BCL2: variants seen among roughly 807,000 people sequenced by gnomAD.
BCL2 encodes the protein apoptosis regulator Bcl-2.
A neutral mutation model predicts 14.2 loss-of-function variants in BCL2; 1 was observed. The ratio of observed to expected loss-of-function variants is 0.07; its 90% CI spans 0.02 to 0.33. BCL2 has a LOEUF of 0.33. Ranked by LOEUF, BCL2 falls within the 10% of genes least tolerant of loss-of-function variation. The pLI is 0.99. For missense variants in BCL2, 247 were observed against 305.9 expected (o/e 0.81, Z 1.44); for synonymous variants, 151 against 137.2 (o/e 1.10, Z -0.70).
At chr18:63,295,637 A>G (rs1271300232) in intron 2 of BCL2, among the ~76,000 whole-genome samples, 1 of 152,108 alleles carries the variant, frequency 6.6e-6, no homozygotes, top group African/African-American at 2.4e-5. Context: ...GAAGAATACA[A>G]CCCAAGGCCC....
At chr18:63,141,965 G>A (rs1004851430) in intron 2 of BCL2, among the ~76,000 whole-genome samples, 3 of 152,216 alleles carry the variant, frequency 2.0e-5, no homozygotes, top group South Asian at 2.1e-4. Flanking sequence ...ATGAAAATAC[G>A]CCAAAAATGG....
intron 2 of BCL2, among the ~76,000 whole-genome samples, chr18:63,199,625 A>T (rs939416626): frequency 6.6e-6 from 1 of 152,034 alleles, no homozygotes; most frequent in Non-Finnish European, 1.5e-5. Context: ...GCACAGACAC[A>T]TACACAGAGA....
intron 2 of BCL2, among the ~76,000 whole-genome samples, chr18:63,306,299 A>G (rs150072397): frequency 1.3e-5 from 2 of 152,296 alleles, no homozygotes; most frequent in Non-Finnish European, 2.9e-5. Flanking sequence ...CGTTCCCACT[A>G]CCATTCCTCT....
chr18:63,177,914 C>T (rs180941548), intron 2 of BCL2, among the ~76,000 whole-genome samples: 9 of 152,200 alleles, frequency 5.9e-5, no homozygotes, highest in Admixed American at 3.9e-4. Flanking sequence ...ATTAACTCAG[C>T]CCCCCTCCTC....
intron 2 of BCL2, among the ~76,000 whole-genome samples, chr18:63,235,262 A>C (rs1910794647): frequency 6.6e-6 from 1 of 152,258 alleles, no homozygotes; most frequent in South Asian, 2.1e-4. Flanking sequence ...GGCAACATCC[A>C]GGGAAGACGA....
chr18:63,174,213 TAAAC>T (rs887580024), intron 2 of BCL2, among the ~76,000 whole-genome samples: 1 of 152,200 alleles, frequency 6.6e-6, no homozygotes, highest in Non-Finnish European at 1.5e-5. Flanking sequence ...AGATAATAAA[TAAAC>T]AAAGATTACC....
In BCL2 at chr18:63,126,473, A is replaced by G. The variant is rs1305502401; in HGVS notation, c.*2152T>C. 1 of 228,052 alleles carries G rather than the reference A, an allele frequency of 4.4e-6. No homozygotes were observed. Among genetic ancestry groups the G allele is most frequent in the African/African-American group, 2.2e-5 (1 of 45,052 alleles). 14.1% of individuals were successfully genotyped at this position (228,052 alleles called of 1,614,324 possible). On this transcript the variant is annotated 3_prime_UTR_variant, in exon 3 of 3. Coordinates refer to ENST00000333681, the MANE Select transcript of BCL2 (RefSeq NM_000633.3). ...ATCTCATGGGTTTAACCAAACATGC[A>G]TGTAATCCTGAATACCATGAATTAA...
chr18:63,286,914 C>T (rs902984270), intron 2 of BCL2, among the ~76,000 whole-genome samples: 1 of 152,138 alleles, frequency 6.6e-6, no homozygotes, highest in African/African-American at 2.4e-5. Flanking sequence ...ATTCAAAAGA[C>T]ACCTCCTACA....
intron 2 of BCL2, among the ~76,000 whole-genome samples, chr18:63,272,376 CTT>C (rs1436379311): frequency 3.9e-5 from 6 of 152,304 alleles, no homozygotes; most frequent in Admixed American, 3.9e-4. Flanking sequence ...ATAGCAGACA[CTT>C]AATATTCTCG....
intron 2 of BCL2, among the ~76,000 whole-genome samples, chr18:63,195,279 T>A (rs989016684): frequency 6.6e-6 from 1 of 152,210 alleles, no homozygotes; most frequent in Non-Finnish European, 1.5e-5. Flanking sequence ...GCCGCTTTCA[T>A]CTCTATCTCC....
intron 2 of BCL2, among the ~76,000 whole-genome samples, chr18:63,242,639 A>T (rs754362545): frequency 9.2e-5 from 14 of 152,100 alleles, no homozygotes; most frequent in Non-Finnish European, 1.6e-4. Context: ...TCCTCATTAA[A>T]ACATCCCCCC....
intron 2 of BCL2, among the ~76,000 whole-genome samples, chr18:63,261,771 C>A (rs888935620): frequency 1.3e-5 from 2 of 150,854 alleles, no homozygotes; most frequent in Non-Finnish European, 3.0e-5. Context: ...TACTAATTTT[C>A]TTTTTTGTTG....
intron 2 of BCL2, among the ~76,000 whole-genome samples, chr18:63,295,891 C>T (rs1461471633): frequency 6.6e-6 from 1 of 152,162 alleles, no homozygotes; most frequent in Non-Finnish European, 1.5e-5. Flanking sequence ...ATCCACCAAC[C>T]TTGCTCCACG....
chr18:63,158,593 C>T (rs1187683516), intron 2 of BCL2, among the ~76,000 whole-genome samples: 1 of 152,166 alleles, frequency 6.6e-6, no homozygotes, highest in Non-Finnish European at 1.5e-5. Flanking sequence ...CAAGCCTGTT[C>T]CAACCCCAGA....
At chr18:63,190,533 T>G (rs1374871167) in intron 2 of BCL2, among the ~76,000 whole-genome samples, 1 of 152,186 alleles carries the variant, frequency 6.6e-6, no homozygotes, top group African/African-American at 2.4e-5. Flanking sequence ...AAAGTCCACT[T>G]TTCACTTTCA....
At chr18:63,235,124 C>T (rs1157974393) in intron 2 of BCL2, among the ~76,000 whole-genome samples, 1 of 145,804 alleles carries the variant, frequency 6.9e-6, no homozygotes, top group Non-Finnish European at 1.5e-5. Flanking sequence ...AAACCTGAAA[C>T]AACTATCAGA....
chr18:63,237,208 G>T (rs1910863951), intron 2 of BCL2, among the ~76,000 whole-genome samples: 1 of 152,130 alleles, frequency 6.6e-6, no homozygotes, highest in Non-Finnish European at 1.5e-5. Flanking sequence ...TTTTAAGGAA[G>T]AAGCAAGACA....
chr18:63,149,996 C>T lies in BCL2; in HGVS notation c.586-21237G>A, dbSNP rs901914090. On this transcript the variant is annotated intron_variant, in intron 2 of 2. Coordinates refer to ENST00000333681, the MANE Select transcript of BCL2 (RefSeq NM_000633.3). The surrounding 1 kb of genome is among the most constrained non-coding windows in gnomAD (Gnocchi z 4.2). ...CCAGGTTCAAGCAATTCTCCTGCCT[C>T]AGTCTTCCCGAATGGCTGGGATTAC... Among the ~76,000 whole-genome samples, 2 of 152,140 alleles carry T rather than the reference C, an allele frequency of 1.3e-5. No homozygotes were observed. The highest frequency in any genetic ancestry group is 1.5e-5 in the Non-Finnish European group (1 of 68,022).
chr18:63,231,278 T>C (rs1034585784), intron 2 of BCL2, among the ~76,000 whole-genome samples: 14 of 151,968 alleles, frequency 9.2e-5, no homozygotes, highest in African/African-American at 3.4e-4. Context: ...TTAGGAACAT[T>C]TCCTTTAAAA....
Sources: gnomAD v4.1 joint callset for allele counts (sites outside exome capture counted in the v4.1 genomes callset) on GRCh38, gnomAD v4.1.1 for gene constraint, Gnocchi (gnomAD v3.1) non-coding constraint, MANE v1.5 for transcripts, NCBI Gene and HGNC (gene_info 2026-07-23, HGNC 2026-07-21) for gene names.